ANK3: variants seen among roughly 807,000 people sequenced by gnomAD.
ANK3 encodes ankyrin-3.
A neutral mutation model predicts 370.9 loss-of-function variants in ANK3; 57 were observed. That is an observed-to-expected ratio of 0.15 (90% CI 0.12 to 0.19). The LOEUF is 0.19. ANK3 is among the 10% of genes least tolerant of loss of function. The pLI is 1.00. For missense variants in ANK3, 4,439 were observed against 5,302.1 expected (o/e 0.84, Z 5.06); for synonymous variants, 1,929 against 1,946.3 (o/e 0.99, Z 0.23).
At chr10:60,566,924 G>A (rs1460973719) in intron 2 of ANK3, among the ~76,000 whole-genome samples, 1 of 152,160 alleles carries the variant, frequency 6.6e-6, no homozygotes, top group Non-Finnish European at 1.5e-5. Context: ...TGCAGAGCAT[G>A]GCCCCGACTC....
intron 2 of ANK3, among the ~76,000 whole-genome samples, chr10:60,455,839 A>G (rs890422432): frequency 6.6e-6 from 1 of 152,186 alleles, no homozygotes; most frequent in African/African-American, 2.4e-5. Flanking sequence ...TCTTCATAGA[A>G]TCAGTCCTTC....
At chr10:60,446,732 A>G (rs2064457240) in intron 2 of ANK3, among the ~76,000 whole-genome samples, 1 of 152,178 alleles carries the variant, frequency 6.6e-6, no homozygotes, top group African/African-American at 2.4e-5. Context: ...GTTTATTTGG[A>G]GGTTTATCTG....
Position 60,399,726 on chromosome 10 carries a change from C to T in ANK3, c.97-120087G>A, listed in dbSNP as rs967313558. Among the ~76,000 whole-genome samples, 10 of 152,266 alleles carry T rather than the reference C, an allele frequency of 6.6e-5. No homozygotes were observed. In the Middle Eastern group the frequency reaches 0.01, roughly 155 times the overall value. ...CTCCGTACACTTAGCCATCAGTAAT[C>T]AGTATCTAGGTTTTGCTCCTTCCCG... On this transcript the variant is annotated intron_variant, in intron 2 of 43. Transcript: ENST00000373827.
rs547875951 is a variant in ANK3 at position 60,371,847 on chromosome 10, C to T, written c.114+17578G>A. 5.9e-5 allele frequency among the ~76,000 whole-genome samples: 9 copies of T among 151,998 alleles called. No individual in the cohort carries two copies. In the South Asian group the frequency reaches 1.0e-3, roughly 18 times the overall value. ...TAGTGAATTTTAGTGAAAACTTCTC[C>T]GATGAAGAAGGTGAGAAAAGAAAGC... On this transcript the variant is annotated intron_variant, in intron 1 of 43. Transcript: ENST00000280772.
At chr10:60,427,706 G>GT (rs1350260194) in intron 2 of ANK3, among the ~76,000 whole-genome samples, 7 of 152,108 alleles carry the variant, frequency 4.6e-5, no homozygotes, top group Admixed American at 2.6e-4. Flanking sequence ...AAATTTTAAT[G>GT]TTTTTGAAAA....
chr10:60,313,906 T>A (rs1330814534), intron 1 of ANK3, among the ~76,000 whole-genome samples: 1 of 149,984 alleles, frequency 6.7e-6, no homozygotes, highest in African/African-American at 2.4e-5. Context: ...ATTACCCTTG[T>A]CCCTGCCTCT....
At chr10:60,301,619 G>A (rs1045524729) in intron 1 of ANK3, among the ~76,000 whole-genome samples, 17 of 151,886 alleles carry the variant, frequency 1.1e-4, no homozygotes, top group Admixed American at 1.3e-4. Flanking sequence ...CACCATGTTG[G>A]TTGGCCAGGC....
intron 2 of ANK3, among the ~76,000 whole-genome samples, chr10:60,504,267 A>T (rs1233725926): frequency 6.6e-6 from 1 of 152,214 alleles, no homozygotes; most frequent in East Asian, 1.9e-4. Context: ...ATACTTGCTC[A>T]CAACAGGGGC....
Position 60,462,201 on chromosome 10 carries a change from A to C in ANK3, c.96+152985T>G, listed in dbSNP as rs565594509. Among the ~76,000 whole-genome samples the C allele has an allele frequency of 2.6e-5, 4 of 152,216 alleles. No homozygotes were observed. The South Asian group carries it at 8.3e-4, about 32-fold the overall frequency. On this transcript the variant is annotated intron_variant, in intron 2 of 43. Transcript: ENST00000373827. ...AAGTTAAAAAAACAAACAAACAAAA[A>C]AAAAAGGTTTGATAAATGTGTCCAA...
chr10:60,143,612 G>C (rs112157535), intron 23 of ANK3, among the ~76,000 whole-genome samples: 2,618 of 152,242 alleles, frequency 0.017, 85 homozygotes, highest in African/African-American at 0.06. Context: ...AGAGGAATTT[G>C]ACTATTTTTA....
At chr10:60,141,086 G>T in intron 23 of ANK3, 1 of 939,508 alleles carries the variant, frequency 1.1e-6, no homozygotes. Flanking sequence ...AGAGAGGGAG[G>T]GCCTGCCCTT....
chr10:60,206,822 G>A (rs868656391), intron 10 of ANK3, among the ~76,000 whole-genome samples: 3 of 152,210 alleles, frequency 2.0e-5, no homozygotes, highest in South Asian at 2.1e-4. Flanking sequence ...TCAGCTGCCA[G>A]TGGAGAACTA....
intron 1 of ANK3, among the ~76,000 whole-genome samples, chr10:60,383,649 T>C (rs1317433302): frequency 1.3e-5 from 2 of 152,094 alleles, no homozygotes; most frequent in Non-Finnish European, 2.9e-5. Context: ...TGGTACAGAA[T>C]ATCAAGTATG....
chr10:60,471,498 C>A (rs1198549557), intron 2 of ANK3, among the ~76,000 whole-genome samples: 4 of 152,020 alleles, frequency 2.6e-5, no homozygotes. Flanking sequence ...CATGGATGTA[C>A]CAACAGTCAT....
intron 28 of ANK3, among the ~76,000 whole-genome samples, chr10:60,097,112 A>G (rs2090296381): frequency 6.6e-6 from 1 of 152,240 alleles, no homozygotes; most frequent in Admixed American, 6.5e-5. Flanking sequence ...TGTCAGGTCA[A>G]TTATCATTTG....
At chr10:60,711,739 C>A (rs992241511) in intron 1 of ANK3, among the ~76,000 whole-genome samples, 3 of 152,046 alleles carry the variant, frequency 2.0e-5, no homozygotes, top group African/African-American at 7.2e-5. Flanking sequence ...GGAAAGCCAG[C>A]AGAATAGATA....
At chr10:60,512,997 C>A (rs1595179850) in intron 2 of ANK3, among the ~76,000 whole-genome samples, 1 of 152,070 alleles carries the variant, frequency 6.6e-6, no homozygotes, top group South Asian at 2.1e-4. Context: ...GAATCATGAA[C>A]AACTTTAATG....
intron 26 of ANK3, among the ~76,000 whole-genome samples, chr10:60,112,254 T>C (rs938227864): frequency 2.6e-5 from 4 of 151,850 alleles, no homozygotes; most frequent in Admixed American, 6.6e-5. Flanking sequence ...TTCAGGTCTT[T>C]GAAATATGGC....
At chr10:60,230,618 C>T (rs1160319903) in intron 8 of ANK3, among the ~76,000 whole-genome samples, 1 of 152,102 alleles carries the variant, frequency 6.6e-6, no homozygotes, top group Non-Finnish European at 1.5e-5. Flanking sequence ...GGGCTGGGTG[C>T]GGTGGCTCAC....
Sources: gnomAD v4.1 joint callset for allele counts (sites outside exome capture counted in the v4.1 genomes callset) on GRCh38, gnomAD v4.1.1 for gene constraint, MANE v1.5 for transcripts, NCBI Gene and HGNC (gene_info 2026-07-23, HGNC 2026-07-21) for gene names.